Variants in TGFBRAP1 observed in about 807,000 individuals in gnomAD.
TGFBRAP1 encodes the protein transforming growth factor-beta receptor-associated protein 1.
TGFBRAP1 carries 20 observed loss-of-function variants against 83.2 expected under a neutral mutation model. That is an observed-to-expected ratio of 0.24 (90% CI 0.17 to 0.35). The LOEUF is 0.35. Ranked by LOEUF, TGFBRAP1 falls within the 10% of genes least tolerant of loss-of-function variation. The pLI, the probability that TGFBRAP1 is intolerant of heterozygous loss-of-function variation, is 1.00. For synonymous variants in TGFBRAP1, 415 were observed against 459.8 expected (o/e 0.90, Z 1.25); for missense variants, 950 against 1,099.4 (o/e 0.86, Z 1.92).
chr2:105,253,617 T>C, the TGFBRAP1 span, among the ~76,000 whole-genome samples: 32 of 152,116 alleles, frequency 2.1e-4, 1 homozygote, highest in Admixed American at 7.2e-4. Flanking sequence ...ACGTTTTTTG[T>C]AGAAAGAGGG....
At chr2:105,302,784 T>A (rs1447696698) in intron 2 of TGFBRAP1, among the ~76,000 whole-genome samples, 1 of 152,170 alleles carries the variant, frequency 6.6e-6, no homozygotes. Flanking sequence ...CCAAAGCAAC[T>A]TCTAAAAATC....
At position 105,266,953 on chromosome 2, in the gene TGFBRAP1, G is replaced by A. The variant is rs1442676904; in HGVS notation, c.*430C>T. 6.2e-6 allele frequency: 1 copy of A among 161,928 alleles called. No individual in the cohort carries two copies. Among genetic ancestry groups the A allele is most frequent in the Non-Finnish European group, 1.4e-5 (1 of 73,670 alleles). The allele number at this position is 161,928 out of a possible 1,614,324, so 10.0% of individuals were successfully genotyped here. On this transcript the variant is annotated 3_prime_UTR_variant, in exon 12 of 12. Transcript: ENST00000393359. ...CTCGCCACTCACCCAGGCAAGAGAG[G>A]ACTTTGTCGCCAGCCATGGTGAAGC... is the stretch of plus-strand genomic sequence containing the variant.
Position 105,298,679 on chromosome 2 carries a change from A to G in TGFBRAP1, c.715T>C (p.Ser239Pro). Residue 239 changes from serine (S) to proline (P), a missense_variant, in exon 3 of 12, where the codon TCC (serine) becomes CCC (proline). Ser to Pro is a moderately conservative substitution (Grantham distance 74). Coordinates refer to ENST00000393359, the MANE Select transcript of TGFBRAP1 (RefSeq NM_004257.6). Reference sequence around the variant, plus strand: ...GACCAGTGCACGGGGGCGCGCTGGGATATCCCTGCGACTGTGGCAAACATG... The same window carrying G: ...GACCAGTGCACGGGGGCGCGCTGGGGTATCCCTGCGACTGTGGCAAACATG... The part of the protein sequence containing the change: ...LGMFATVAGI[S>P]QRAPVHWSEN... 6.3e-7 allele frequency: 1 copy of G among 1,597,542 alleles called. No homozygotes were observed. Among genetic ancestry groups the G allele is most frequent in the Non-Finnish European group, 8.6e-7 (1 of 1,168,792 alleles).
intron 1 of TGFBRAP1, among the ~76,000 whole-genome samples, chr2:105,319,690 C>CA (rs201240011): frequency 0.047 from 5,179 of 109,118 alleles, 123 homozygotes; most frequent in African/African-American, 0.071. Flanking sequence ...AAAACTCTCT[C>CA]AAAAAAAAAA....
intron 1 of TGFBRAP1, among the ~76,000 whole-genome samples, chr2:105,322,680 C>A (rs1679101936): frequency 1.3e-5 from 2 of 152,124 alleles, no homozygotes; most frequent in South Asian, 2.1e-4. Flanking sequence ...ATAGGCCATA[C>A]CCATATAGCT....
intron 10 of TGFBRAP1, among the ~76,000 whole-genome samples, chr2:105,272,037 G>A (rs545606342): frequency 6.6e-6 from 1 of 152,290 alleles, no homozygotes; most frequent in Non-Finnish European, 1.5e-5. Context: ...TGTGCTTTAT[G>A]GAGACAACAC....
chr2:105,325,343 G>A (rs527663962), intron 1 of TGFBRAP1, among the ~76,000 whole-genome samples: 19 of 152,248 alleles, frequency 1.2e-4, no homozygotes, highest in Admixed American at 4.6e-4. Flanking sequence ...TTATCCTTTC[G>A]TTCTTACCTT....
chr2:105,261,844 A>G (rs762112561), downstream of TGFBRAP1, among the ~76,000 whole-genome samples: 1 of 152,058 alleles, frequency 6.6e-6, no homozygotes, highest in Non-Finnish European at 1.5e-5. Context: ...GTGTAGACCA[A>G]CTCCTCTCCT....
At chr2:105,250,466 G>A in the TGFBRAP1 span, among the ~76,000 whole-genome samples, 1 of 152,100 alleles carries the variant, frequency 6.6e-6, no homozygotes, top group African/African-American at 2.4e-5. Context: ...AGAAAGTCCT[G>A]CTGTTCTTTA....
chr2:105,307,817 T>A lies in TGFBRAP1; in HGVS notation c.485A>T (p.Lys162Met). 6.2e-7 allele frequency: 1 copy of A among 1,614,116 alleles called. No homozygotes were observed. The highest frequency in any genetic ancestry group is 8.5e-7 in the Non-Finnish European group (1 of 1,180,024). ...LVYEDRVQIV[K>M]EVSTAEQPLA... ...GGGCTGCTCGGCAGTCGACACCTCC[T>A]TGACGATCTGCACCCGGTCCTCGTA... The change falls in exon 2 of 12, where the codon AAG (lysine) becomes ATG (methionine). Residue 162 changes from lysine to methionine, a missense_variant. By Grantham distance (95) the Lys-to-Met change is moderately conservative. Coordinates refer to ENST00000393359, the MANE Select transcript of TGFBRAP1 (RefSeq NM_004257.6).
chr2:105,313,691 C>A (rs1007286033), intron 1 of TGFBRAP1, among the ~76,000 whole-genome samples: 3 of 152,006 alleles, frequency 2.0e-5, no homozygotes, highest in African/African-American at 7.2e-5. Flanking sequence ...AATATTAGCA[C>A]ACGAAATCCA....
At chr2:105,317,435 A>C (rs78194257) in intron 1 of TGFBRAP1, among the ~76,000 whole-genome samples, 1 of 137,318 alleles carries the variant, frequency 7.3e-6, no homozygotes, top group Non-Finnish European at 1.6e-5. Flanking sequence ...GACTCATCTC[A>C]AAAAAAAAAA....
At chr2:105,303,256 C>T (rs1051707282) in intron 2 of TGFBRAP1, among the ~76,000 whole-genome samples, 1 of 152,172 alleles carries the variant, frequency 6.6e-6, no homozygotes, top group African/African-American at 2.4e-5. Context: ...ATAGCAAGAC[C>T]TCGTTTCTAA....
chr2:105,273,786 T>C (rs1677241331), intron 8 of TGFBRAP1, 96 bp from the exon 9 acceptor site: 6 of 1,435,754 alleles, frequency 4.2e-6, no homozygotes, highest in Non-Finnish European at 4.7e-6. Context: ...TTGGATAAAA[T>C]CATCACTTAA....
At chr2:105,276,682 C>G (rs1442178497) in intron 7 of TGFBRAP1, among the ~76,000 whole-genome samples, 1 of 152,168 alleles carries the variant, frequency 6.6e-6, no homozygotes, top group Non-Finnish European at 1.5e-5. Context: ...AAAGCTGTAA[C>G]TGAGAACACC....
At chr2:105,282,539 C>A (rs1677577074) in intron 5 of TGFBRAP1, among the ~76,000 whole-genome samples, 2 of 152,180 alleles carry the variant, frequency 1.3e-5, no homozygotes, top group Non-Finnish European at 2.9e-5. Context: ...AATATCAATT[C>A]TCAGGCTGGG....
intron 10 of TGFBRAP1, among the ~76,000 whole-genome samples, chr2:105,271,870 C>T (rs775029234): frequency 1.4e-4 from 21 of 152,142 alleles, no homozygotes; most frequent in Non-Finnish European, 2.6e-4. Context: ...AAAGAAGGAG[C>T]GCCCTCCTTC....
intron 8 of TGFBRAP1, among the ~76,000 whole-genome samples, chr2:105,274,589 C>A (rs1471361226): frequency 1.3e-5 from 2 of 152,168 alleles, no homozygotes; most frequent in African/African-American, 4.8e-5. Context: ...CATCCATAAG[C>A]ATTGGGAGAA....
In TGFBRAP1 at chr2:105,307,482, C is replaced by A. The variant is rs1480353371; in HGVS notation, c.688+132G>T. ...ATCAAGCACTGGTCAAGCACTGCTA[C>A]CTCTGTCTTGCCACACACGCCCAAT... On this transcript the variant is annotated intron_variant, in intron 2 of 11. Transcript: ENST00000393359. The A allele has an allele frequency of 7.1e-6, 7 of 982,970 alleles. No homozygotes were observed. In the East Asian group the frequency reaches 1.7e-4, roughly 24 times the overall value. 60.9% of individuals were successfully genotyped at this position (982,970 alleles called of 1,614,324 possible).
Sources: allele counts gnomAD v4.1 joint callset (sites outside exome capture counted in the v4.1 genomes callset), GRCh38; gene constraint gnomAD v4.1.1; transcripts MANE v1.5; gene names NCBI Gene and HGNC (gene_info 2026-07-23, HGNC 2026-07-21).